Variants in TJP2 observed in about 807,000 individuals in gnomAD.
The protein encoded by TJP2 is Friedreich ataxia region gene X104 (tight junction protein ZO-2).
A neutral mutation model predicts 133.1 loss-of-function variants in TJP2; 91 were observed. The ratio of observed to expected loss-of-function variants is 0.68; its 90% CI spans 0.58 to 0.81. TJP2 has a LOEUF of 0.81. Ranked by LOEUF, TJP2 falls within the 40% of genes least tolerant of loss-of-function variation. TJP2 has a pLI of 0.00. For missense variants in TJP2, 1,541 were observed against 1,565.6 expected, an observed-to-expected ratio of 0.98 and a Z score of 0.26; for synonymous variants, 592 against 583.4, an observed-to-expected ratio of 1.01 and a Z score of -0.21.
intron 8 of TJP2, 45 bp from the exon 9 acceptor site, chr9:69,227,936 G>T: frequency 6.2e-7 from 1 of 1,614,030 alleles, no homozygotes; most frequent in Admixed American, 1.7e-5. Context: ...ATGTATTTAT[G>T]AAACTGTTAT....
At chr9:69,188,733 T>A (rs1826017864) in intron 1 of TJP2, among the ~76,000 whole-genome samples, 1 of 152,200 alleles carries the variant, frequency 6.6e-6, no homozygotes, top group African/African-American at 2.4e-5. Context: ...TGATTATGTA[T>A]ACAGCTAGCT....
chr9:69,151,249 AGGTG>A (rs936429387), intron 1 of TJP2, among the ~76,000 whole-genome samples: 4 of 152,198 alleles, frequency 2.6e-5, no homozygotes. Context: ...TGGGAAGTCG[AGGTG>A]GGTGGATCAC....
chr9:69,166,534 G>A (rs972037198), intron 2 of TJP2, among the ~76,000 whole-genome samples: 1 of 152,044 alleles, frequency 6.6e-6, no homozygotes, highest in African/African-American at 2.4e-5. Flanking sequence ...CTAGAAGCCA[G>A]GAGTTTGAGG....
At chr9:69,252,196 A>G (rs1455207314) in intron 21 of TJP2, among the ~76,000 whole-genome samples, 1 of 152,074 alleles carries the variant, frequency 6.6e-6, no homozygotes, top group East Asian at 1.9e-4. Context: ...AGGTTTTGTC[A>G]TGTTGCTAGG....
At chr9:69,158,982 GC>G (rs11317308) in intron 2 of TJP2, among the ~76,000 whole-genome samples, 3,354 of 144,410 alleles carry the variant, frequency 0.023, 98 homozygotes, top group African/African-American at 0.075. Context: ...AGGATTCACC[GC>G]CCCCCCCCCA....
intron 1 of TJP2, among the ~76,000 whole-genome samples, chr9:69,135,433 T>TTTGTTG (rs372705245): frequency 0.019 from 2,842 of 152,022 alleles, 92 homozygotes; most frequent in African/African-American, 0.065. Context: ...GGTCTAGGAT[T>TTTGTTG]TTGTTGTTGT....
chr9:69,148,131 T>C (rs1194335218), intron 1 of TJP2, among the ~76,000 whole-genome samples: 1 of 152,004 alleles, frequency 6.6e-6, no homozygotes, highest in Non-Finnish European at 1.5e-5. Flanking sequence ...TCCACGTTGG[T>C]CAGGGTGGTC....
In TJP2 at chr9:69,248,176, G is replaced by C. The variant is rs191634088; in HGVS notation, c.2832G>C (p.Pro944=). The change falls in exon 19 of 23, where the codon CCG becomes CCC. Residue 944 remains proline (P), a synonymous_variant. Coordinates refer to ENST00000377245, the MANE Select transcript of TJP2 (RefSeq NM_004817.4). The part of the protein sequence containing the change: ...DNELDEPAEE[P]LVSSITRSSE... The stretch of plus-strand genomic sequence containing the variant: ...AGCTGGATGAGCCAGCCGAGGAGCC[G>C]CTGGTGTCGTCCATCACCCGCTCCT... 1.2e-6 allele frequency: 2 copies of C among 1,612,890 alleles called. No individual in the cohort carries two copies. The highest frequency in any genetic ancestry group is 4.5e-5 in the East Asian group (2 of 44,846).
At chr9:69,146,385 T>C (rs1199068829) in intron 1 of TJP2, among the ~76,000 whole-genome samples, 1 of 152,216 alleles carries the variant, frequency 6.6e-6, no homozygotes, top group African/African-American at 2.4e-5. Context: ...TTCTTACACA[T>C]TAAAGACAAG....
At chr9:69,157,523 T>C (rs1823833362) in intron 2 of TJP2, among the ~76,000 whole-genome samples, 1 of 151,492 alleles carries the variant, frequency 6.6e-6, no homozygotes, top group African/African-American at 2.4e-5. Context: ...TGGATTACAG[T>C]AGCATGATCT....
intron 1 of TJP2, among the ~76,000 whole-genome samples, chr9:69,183,877 G>A (rs1348969003): frequency 6.6e-6 from 1 of 152,162 alleles, no homozygotes; most frequent in Non-Finnish European, 1.5e-5. Flanking sequence ...TGGGATTACA[G>A]GCATGCGCCA....
chr9:69,156,126 A>T (rs1486717368), intron 2 of TJP2, among the ~76,000 whole-genome samples: 3 of 152,210 alleles, frequency 2.0e-5, no homozygotes, highest in African/African-American at 7.2e-5. Context: ...GCACTTTGGG[A>T]GGCCCAGGCT....
chr9:69,205,190 T>C, intron 1 of TJP2: 7 of 1,537,216 alleles, frequency 4.6e-6, no homozygotes, highest in Non-Finnish European at 6.1e-6. Flanking sequence ...CTACATAGGA[T>C]GTGGATCCAG....
At chr9:69,138,698 A>G (rs1014614007) in intron 1 of TJP2, among the ~76,000 whole-genome samples, 1 of 152,188 alleles carries the variant, frequency 6.6e-6, no homozygotes, top group Non-Finnish European at 1.5e-5. Context: ...CGGGAGGATC[A>G]CCTGAGGTCG....
intron 2 of TJP2, among the ~76,000 whole-genome samples, chr9:69,213,055 ATTTTTTTTTTTTTTTT>A (rs551659577): frequency 1.3e-5 from 1 of 76,562 alleles, no homozygotes; most frequent in Non-Finnish European, 2.5e-5. Flanking sequence ...GTGGTTCTGC[ATTTTTTTTTTTTTTTT>A]TTTTTTTTTG....
rs200355922 is a variant in TJP2 at position 69,251,281 on chromosome 9, G to A, written c.3238G>A (p.Gly1080Ser). ...EQDNAPKSVL[G>S]KVKIFEKMDH... ...AGATAATGCTCCCAAATCAGTCCTGGGCAAAGTCAAAATATTTGAGAAGAT... is the reference window on the plus strand; with the variant it reads ...AGATAATGCTCCCAAATCAGTCCTGAGCAAAGTCAAAATATTTGAGAAGAT... The change falls in exon 21 of 23, where the codon GGC becomes AGC. Residue 1080 changes from glycine (G) to serine (S), a missense_variant. Gly to Ser is a moderately conservative substitution (Grantham distance 56). Coordinates refer to ENST00000377245, the MANE Select transcript of TJP2 (RefSeq NM_004817.4). The A allele has an allele frequency of 4.2e-5, 68 of 1,613,994 alleles. No homozygotes were observed. Among genetic ancestry groups the A allele is most frequent in the Non-Finnish European group, 5.8e-5 (68 of 1,180,036 alleles).
chr9:69,239,644 C>T (rs2133406798), intron 16 of TJP2, among the ~76,000 whole-genome samples: 3 of 152,250 alleles, frequency 2.0e-5, no homozygotes, highest in Admixed American at 2.0e-4. Context: ...AACCCTGTCT[C>T]TACTAAAAAT....
intron 1 of TJP2, among the ~76,000 whole-genome samples, chr9:69,133,162 A>G (rs1475280576): frequency 2.0e-5 from 3 of 152,042 alleles, no homozygotes; most frequent in Middle Eastern, 3.2e-3. Flanking sequence ...GGGTTTTACC[A>G]TATTGCCCAG....
upstream of TJP2, among the ~76,000 whole-genome samples, chr9:69,171,195 A>G (rs1453774367): frequency 6.6e-6 from 1 of 152,032 alleles, no homozygotes; most frequent in Non-Finnish European, 1.5e-5. Context: ...GCGTAGGCTC[A>G]CTTCCCGCTC....
Sources: gnomAD v4.1 joint callset for allele counts (sites outside exome capture counted in the v4.1 genomes callset) on GRCh38, gnomAD v4.1.1 for gene constraint, MANE v1.5 for transcripts, NCBI Gene and HGNC (gene_info 2026-07-23, HGNC 2026-07-21) for gene names.